ADI1: variants seen among roughly 807,000 people sequenced by gnomAD.
The protein encoded by ADI1 is acireductone dioxygenase.
ADI1 carries 21 observed loss-of-function variants against 18.7 expected under a neutral mutation model. That is an observed-to-expected ratio of 1.13 (90% CI 0.80 to 1.62). The LOEUF (loss-of-function observed/expected upper bound fraction) is 1.62, where lower values mean the gene tolerates loss of function less well. ADI1 is among the 40% of genes most tolerant of loss of function. ADI1 has a pLI of 0.00. For missense variants in ADI1, 245 were observed against 254.9 expected, an observed-to-expected ratio of 0.96 and a Z score of 0.26; for synonymous variants, 90 against 100.1, an observed-to-expected ratio of 0.90 and a Z score of 0.60.
At chr2:3,518,861 T>C (rs892571023) in intron 1 of ADI1, among the ~76,000 whole-genome samples, 1 of 152,212 alleles carries the variant, frequency 6.6e-6, no homozygotes, top group East Asian at 1.9e-4. Flanking sequence ...GGCCGACCCT[T>C]CAGGTCGCTG....
chr2:3,506,274 T>C (rs1475065839), intron 2 of ADI1, among the ~76,000 whole-genome samples: 1 of 152,222 alleles, frequency 6.6e-6, no homozygotes, highest in Non-Finnish European at 1.5e-5. Context: ...TGCTCGCAGA[T>C]GGTATCACTG....
chr2:3,500,499 G>GTGACCACCCTAGAGATGCCTCAC, intron 3 of ADI1: 1 of 491,078 alleles, frequency 2.0e-6, no homozygotes. Flanking sequence ...AAGGGCTGGG[G>GTGACCACCCTAGAGATGCCTCAC]CAGGGCCAGG....
intron 1 of ADI1, chr2:3,515,869 G>A (rs1667396959): frequency 1.2e-5 from 12 of 977,318 alleles, no homozygotes; most frequent in Non-Finnish European, 1.2e-5. Context: ...TGGAACCTAT[G>A]TTGAAATATT....
chr2:3,519,156 CAGG>C, intron 1 of ADI1: 1 of 587,740 alleles, frequency 1.7e-6, no homozygotes, highest in Non-Finnish European at 2.5e-6. Flanking sequence ...AGGCGCCGCG[CAGG>C]AGGCCCTGAC....
rs532778112 is a variant in ADI1 at position 3,518,869 on chromosome 2, C to G, written c.120+499G>C. 3.3e-3 allele frequency among the ~76,000 whole-genome samples: 510 copies of G among 152,354 alleles called. 6 individuals carry two copies. The highest frequency in any genetic ancestry group is 0.01 in the Middle Eastern group (3 of 294). On this transcript the variant is annotated intron_variant, in intron 1 of 3. Transcript: ENST00000327435. ...CCCTGCCGGCCGACCCTTCAGGTCG[C>G]TGCCAATCCCGGAGCTGCGCGTGCG...
At chr2:3,501,320 T>C (rs1340242387) in intron 2 of ADI1, among the ~76,000 whole-genome samples, 1 of 152,054 alleles carries the variant, frequency 6.6e-6, no homozygotes, top group African/African-American at 2.4e-5. Context: ...GTTTTACAGA[T>C]GTGGAAATGG....
intron 2 of ADI1, among the ~76,000 whole-genome samples, chr2:3,513,555 T>C (rs1028887823): frequency 6.6e-6 from 1 of 152,196 alleles, no homozygotes; most frequent in Admixed American, 6.5e-5. Flanking sequence ...TTGCTCTCTC[T>C]TTCATTCCCA....
At chr2:3,501,917 G>A (rs887788124) in intron 2 of ADI1, among the ~76,000 whole-genome samples, 1 of 151,928 alleles carries the variant, frequency 6.6e-6, no homozygotes, top group African/African-American at 2.4e-5. Context: ...GTATTTTACA[G>A]TAAATATCCA....
intron 1 of ADI1, chr2:3,516,840 G>A (rs1225147801): frequency 2.0e-6 from 2 of 985,182 alleles, no homozygotes; most frequent in Non-Finnish European, 2.4e-6. Context: ...ATGTCCACAT[G>A]TGTTACCTCT....
At chr2:3,507,118 G>A (rs1667191429) in intron 2 of ADI1, among the ~76,000 whole-genome samples, 1 of 152,204 alleles carries the variant, frequency 6.6e-6, no homozygotes, top group Admixed American at 6.5e-5. Context: ...AATTGTGAAG[G>A]AAGAATCAGC....
intron 2 of ADI1, among the ~76,000 whole-genome samples, chr2:3,512,645 T>A (rs114273920): frequency 0.011 from 1,721 of 152,324 alleles, 32 homozygotes; most frequent in African/African-American, 0.04. Context: ...CACCTAGATT[T>A]CAGAGAATGT....
At chr2:3,510,692 T>C (rs1219290840) in intron 2 of ADI1, among the ~76,000 whole-genome samples, 5 of 152,086 alleles carry the variant, frequency 3.3e-5, no homozygotes, top group Non-Finnish European at 7.4e-5. Flanking sequence ...TCAAATGAAA[T>C]GGACAAATGC....
Position 3,519,463 on chromosome 2 carries a change from C to A in ADI1, c.25G>T (p.Asp9Tyr). Reference sequence around the variant, plus strand: ...GGTTGCCGCGGGTCGCCCGGGGCGTCGTCCATATACCAGGCCTGCACCATG... The same window carrying A: ...GGTTGCCGCGGGTCGCCCGGGGCGTAGTCCATATACCAGGCCTGCACCATG... MVQAWYMD[D>Y]APGDPRQPHR... The change falls in exon 1 of 4, where the codon GAC becomes TAC. Residue 9 changes from aspartate to tyrosine, a missense_variant. Coordinates refer to ENST00000327435, the MANE Select transcript of ADI1 (RefSeq NM_018269.4). 7.4e-7 allele frequency: 1 copy of A among 1,353,256 alleles called. No homozygotes were observed. Among genetic ancestry groups the A allele is most frequent in the Non-Finnish European group, 9.5e-7 (1 of 1,056,474 alleles). 83.8% of individuals were successfully genotyped at this position (1,353,256 alleles called of 1,614,324 possible). A position where few individuals can be genotyped will look rare whatever the true frequency, so the allele number is the denominator to read the frequency against.
At chr2:3,509,119 T>G (rs967247612) in intron 2 of ADI1, among the ~76,000 whole-genome samples, 1 of 152,108 alleles carries the variant, frequency 6.6e-6, no homozygotes, top group African/African-American at 2.4e-5. Flanking sequence ...TGGGTCAATC[T>G]TCCAAGGGAA....
At chr2:3,516,209 C>T (rs541063361) in intron 1 of ADI1, 4 of 294,124 alleles carry the variant, frequency 1.4e-5, no homozygotes, top group African/African-American at 9.0e-5. Context: ...GAGCTGGGCA[C>T]TGTGGCTCAC....
chr2:3,500,869 C>G lies in ADI1; in HGVS notation c.365G>C (p.Gly122Ala). The part of the protein sequence containing the change: ...DQWIRIFMEK[G>A]DMVTLPAGIY... Reference sequence around the variant, plus strand: ...CCCCGCGGGGAGCGTCACCATGTCTCCCTTCTCCATGAAGATCCGGATCCA... The same window carrying G: ...CCCCGCGGGGAGCGTCACCATGTCTGCCTTCTCCATGAAGATCCGGATCCA... Residue 122 changes from glycine to alanine, a missense_variant, in exon 3 of 4, where the codon GGA (glycine) becomes GCA (alanine). Coordinates refer to ENST00000327435, the MANE Select transcript of ADI1 (RefSeq NM_018269.4). The G allele has an allele frequency of 4.3e-6, 7 of 1,614,256 alleles. No individual in the cohort carries two copies. Among genetic ancestry groups the G allele is most frequent in the Non-Finnish European group, 5.9e-6 (7 of 1,180,046 alleles).
chr2:3,500,109 A>G (rs975333252), intron 3 of ADI1, among the ~76,000 whole-genome samples: 3 of 150,994 alleles, frequency 2.0e-5, no homozygotes, highest in Admixed American at 1.3e-4. Context: ...ATGCACTTGG[A>G]TATGTGTAAA....
chr2:3,500,499 G>GTGACACCCCTAGCGATGCCTCAC, intron 3 of ADI1: 1 of 491,082 alleles, frequency 2.0e-6, no homozygotes, highest in East Asian at 3.5e-5. Flanking sequence ...AAGGGCTGGG[G>GTGACACCCCTAGCGATGCCTCAC]CAGGGCCAGG....
At chr2:3,517,623 G>A (rs908629961) in intron 1 of ADI1, 4 of 152,080 alleles carry the variant, frequency 2.6e-5, no homozygotes, top group East Asian at 1.9e-4. Context: ...AAATTAGCCC[G>A]GCATGGTGCT....
Sources: gnomAD v4.1 joint callset for allele counts (sites outside exome capture counted in the v4.1 genomes callset) on GRCh38, gnomAD v4.1.1 for gene constraint, MANE v1.5 for transcripts, NCBI Gene and HGNC (gene_info 2026-07-23, HGNC 2026-07-21) for gene names.